The following ASIC2 variants were observed in gnomAD, a reference collection of about 807,000 sequenced individuals.
ASIC2 encodes the protein acid sensing ion channel subunit 2.
A neutral mutation model predicts 57.3 loss-of-function variants in ASIC2; 25 were observed. The ratio of observed to expected loss-of-function variants is 0.44; its 90% CI spans 0.32 to 0.61. The LOEUF (loss-of-function observed/expected upper bound fraction) is 0.61. Ranked by LOEUF, ASIC2 falls within the 20% of genes least tolerant of loss-of-function variation. ASIC2 has a pLI of 0.06. For synonymous variants in ASIC2, 319 were observed against 307.5 expected (o/e 1.04, Z -0.39); for missense variants, 641 against 738.1 (o/e 0.87, Z 1.52).
intron 1 of ASIC2, among the ~76,000 whole-genome samples, chr17:33,399,268 A>G (rs1182712610): frequency 6.6e-6 from 1 of 152,184 alleles, no homozygotes; most frequent in Non-Finnish European, 1.5e-5. Context: ...TGGCATTACA[A>G]GGAATATGTT....
chr17:33,579,321 A>G (rs12952264), intron 1 of ASIC2, among the ~76,000 whole-genome samples: 76,730 of 147,690 alleles, frequency 0.52, 21,015 homozygotes, highest in African/African-American at 0.71. Flanking sequence ...TGGGTGACTC[A>G]GATGTTGGCT....
chr17:33,273,936 G>T (rs979010978), intron 1 of ASIC2, among the ~76,000 whole-genome samples: 1 of 152,278 alleles, frequency 6.6e-6, no homozygotes, highest in South Asian at 2.1e-4. Context: ...AGTTCTGCCT[G>T]GTCATCATTT....
intron 1 of ASIC2, among the ~76,000 whole-genome samples, chr17:33,179,522 C>T (rs1905894713): frequency 6.6e-6 from 1 of 152,080 alleles, no homozygotes; most frequent in Admixed American, 6.6e-5. Context: ...TTAAAATGTC[C>T]CCTGCTTTAT....
intron 1 of ASIC2, among the ~76,000 whole-genome samples, chr17:33,185,027 T>A (rs1906136005): frequency 6.6e-6 from 1 of 152,224 alleles, no homozygotes; most frequent in African/African-American, 2.4e-5. Context: ...CTGAAAGATC[T>A]ACTCAATTCT....
rs965619571 is a variant in ASIC2, at chr17:33,786,096, C to T, written c.555+369882G>A. Among the ~76,000 whole-genome samples, 6 of 152,166 alleles carry T rather than the reference C, an allele frequency of 3.9e-5. No homozygotes were observed. In the East Asian group the frequency reaches 9.6e-4, roughly 24 times the overall value. On this transcript the variant is annotated intron_variant, in intron 1 of 9. Coordinates refer to the ASIC2 transcript ENST00000359872. ...AAGAGGCTGGGGTTTGGACACAAGC[C>T]TTTCAGCTTTCTCATCTGTGCCCCC...
At chr17:33,713,488 C>T (rs773617550) in intron 1 of ASIC2, among the ~76,000 whole-genome samples, 5 of 152,284 alleles carry the variant, frequency 3.3e-5, no homozygotes, top group South Asian at 4.1e-4. Flanking sequence ...TGTACGTCTC[C>T]GTCCTCACAT....
intron 1 of ASIC2, among the ~76,000 whole-genome samples, chr17:33,211,407 G>A (rs116853525): frequency 1.4e-3 from 207 of 152,180 alleles, no homozygotes; most frequent in Non-Finnish European, 2.3e-3. Context: ...CTGAAAGCTG[G>A]TCGTTAAACA....
At chr17:33,176,283 G>A (rs556248679) in intron 1 of ASIC2, among the ~76,000 whole-genome samples, 1 of 152,328 alleles carries the variant, frequency 6.6e-6, no homozygotes, top group African/African-American at 2.4e-5. Context: ...TGAAGGCCAG[G>A]AGTGTATGTC....
At chr17:33,651,086 TAAA>T (rs2142039223) in intron 1 of ASIC2, among the ~76,000 whole-genome samples, 1 of 150,964 alleles carries the variant, frequency 6.6e-6, no homozygotes, top group East Asian at 2.0e-4. Flanking sequence ...ATTTTAAAAT[TAAA>T]GAAGAACAAA....
intron 1 of ASIC2, among the ~76,000 whole-genome samples, chr17:34,112,113 CTAGTCT>C (rs1308852946): frequency 6.6e-6 from 1 of 152,048 alleles, no homozygotes; most frequent in Non-Finnish European, 1.5e-5. Flanking sequence ...AAGAAAGACA[CTAGTCT>C]TAGTGGAAAG....
At chr17:33,974,605 TATCCATCCATCCATCC>T (rs55947544) in intron 1 of ASIC2, among the ~76,000 whole-genome samples, 23 of 145,438 alleles carry the variant, frequency 1.6e-4, no homozygotes, top group African/African-American at 4.9e-4. Context: ...GGAACCTATC[TATCCATCCATCCATCC>T]ATCCATCCAT....
intron 1 of ASIC2, chr17:33,688,960 C>T: frequency 6.6e-6 from 1 of 152,214 alleles, no homozygotes; most frequent in East Asian, 1.9e-4. Flanking sequence ...ACAGCTGCTC[C>T]CATCTGCGCA....
intron 1 of ASIC2, among the ~76,000 whole-genome samples, chr17:33,757,980 C>T (rs904010217): frequency 1.3e-4 from 20 of 152,188 alleles, no homozygotes; most frequent in African/African-American, 4.8e-4. Context: ...TTGTCGAATC[C>T]TCCCTCTCAG....
intron 1 of ASIC2, chr17:33,680,471 C>T (rs902569): frequency 0.15 from 22,084 of 152,132 alleles, 2,577 homozygotes; most frequent in African/African-American, 0.32. Context: ...CAGAGGGCAG[C>T]CACTGGAACA....
intron 1 of ASIC2, among the ~76,000 whole-genome samples, chr17:33,941,354 G>C (rs1446379494): frequency 6.6e-6 from 1 of 152,230 alleles, no homozygotes; most frequent in African/African-American, 2.4e-5. Context: ...GATGAACCCA[G>C]AGTGGTGGCA....
In ASIC2 at chr17:33,488,785, C is replaced by G. The variant is rs186962382; in HGVS notation, c.556-376718G>C. 3.9e-5 allele frequency among the ~76,000 whole-genome samples: 6 copies of G among 152,268 alleles called. No individual in the cohort carries two copies. In the East Asian group the frequency reaches 1.2e-3, roughly 29 times the overall value. On this transcript the variant is annotated intron_variant, in intron 1 of 9. Transcript: ENST00000359872. ...CATTAAGAAGGAGTTTTAGGCATCT[C>G]CCACCTCCACAGTGAACTTCCCAGG...
intron 1 of ASIC2, among the ~76,000 whole-genome samples, chr17:34,057,457 A>C (rs1908811632): frequency 6.6e-6 from 1 of 152,178 alleles, no homozygotes; most frequent in Admixed American, 6.5e-5. Flanking sequence ...TAGAGGTGTG[A>C]GTGCCTGTCT....
intron 1 of ASIC2, among the ~76,000 whole-genome samples, chr17:34,058,096 C>A (rs1257849429): frequency 6.6e-6 from 1 of 152,220 alleles, no homozygotes; most frequent in African/African-American, 2.4e-5. Flanking sequence ...CTTGTCACAG[C>A]TCCTTACCTG....
At chr17:33,756,864 A>C (rs1024202902) in intron 1 of ASIC2, among the ~76,000 whole-genome samples, 1 of 152,238 alleles carries the variant, frequency 6.6e-6, no homozygotes, top group African/African-American at 2.4e-5. Context: ...AACACAACAC[A>C]GACGTAGGGT....
Sources: allele counts gnomAD v4.1 joint callset (sites outside exome capture counted in the v4.1 genomes callset), GRCh38; gene constraint gnomAD v4.1.1; transcripts MANE v1.5; gene names NCBI Gene and HGNC (gene_info 2026-07-23, HGNC 2026-07-21).